The following MSLN variants were observed in gnomAD, a reference collection of about 807,000 sequenced individuals.
MSLN encodes the protein mesothelin, also known as CAK1 antigen.
MSLN carries 82 observed loss-of-function variants against 72.6 expected under a neutral mutation model. The ratio of observed to expected loss-of-function variants is 1.13; its 90% CI spans 0.94 to 1.36. The LOEUF is 1.36. Among genes scored for constraint, MSLN ranks in the 40% most tolerant of loss-of-function variants. The pLI, the probability that MSLN is intolerant of heterozygous loss-of-function variation, is 0.00. For missense variants in MSLN, 1,005 were observed against 847.9 expected, an observed-to-expected ratio of 1.19 and a Z score of -2.30; for synonymous variants, 456 against 387.3, an observed-to-expected ratio of 1.18 and a Z score of -2.08.
In MSLN at chr16:766,201, C is replaced by T. The variant is rs745386612; in HGVS notation, c.1038C>T (p.Tyr346=). ...MDRVNAIPFT[Y]EQLDVLKHKL... ...GCGTGAACGCCATCCCCTTCACCTA[C>T]GAGCAGCTGGACGTCCTAAAGCATA... Residue 346 remains tyrosine (Y), a synonymous_variant, in exon 12 of 18, where the codon TAC becomes TAT. Transcript: ENST00000545450. 7.4e-6 allele frequency: 12 copies of T among 1,611,932 alleles called. No individual in the cohort carries two copies. The highest frequency in any genetic ancestry group is 1.6e-4 in the Middle Eastern group (1 of 6,080).
At position 765,632 on chromosome 16, in the gene MSLN, C is replaced by T. The variant is rs2041596834; in HGVS notation, c.795+15C>T. The T allele has an allele frequency of 6.3e-7, 1 of 1,599,198 alleles. No homozygotes were observed. Among genetic ancestry groups the T allele is most frequent in the South Asian group, 1.1e-5 (1 of 90,908 alleles). ...GCATCCCGCAGGTGAGACCCCAATC[C>T]CCAGCCCGTGGGGATGCCCGGCCAC... On this transcript the variant is annotated intron_variant, in intron 10 of 17. Transcript: ENST00000545450.
At chr16:764,768 C>A (rs769229439) in intron 7 of MSLN, 42 bp downstream of exon 7, 1 of 1,583,746 alleles carries the variant, frequency 6.3e-7, no homozygotes, top group African/African-American at 1.3e-5. Context: ...GCTTTTGCCG[C>A]CAGCCCTCAG....
At chr16:761,731 C>T (rs2041539214) in intron 2 of MSLN, among the ~76,000 whole-genome samples, 1 of 152,214 alleles carries the variant, frequency 6.6e-6, no homozygotes, top group Non-Finnish European at 1.5e-5. Context: ...CACCCGGAGG[C>T]TGTGTGCCTC....
chr16:766,884 G>C lies in MSLN; in HGVS notation c.1374-1G>C, dbSNP rs571114126. ...TCACTGTCCACCCACCGTGTCCCCA[G>C]GGCGGTCAGGCCCCAGGACCTGGAC... On this transcript the variant is annotated splice_acceptor_variant, in intron 14 of 17. Coordinates refer to ENST00000545450, the MANE Select transcript of MSLN (RefSeq NM_005823.6). LOFTEE classifies it high-confidence loss of function. 5.6e-5 allele frequency: 90 copies of C among 1,612,500 alleles called. No individual in the cohort carries two copies. In the Admixed American group the frequency reaches 8.0e-4, roughly 14 times the overall value.
rs780605061 is a variant in MSLN at position 766,793 on chromosome 16, GC to G, written c.1362del (p.Ser455AlafsTer33). 13 of 1,612,366 alleles carry G rather than the reference GC, an allele frequency of 8.1e-6. No homozygotes were observed. In the Admixed American group the frequency reaches 1.2e-4, roughly 14 times the overall value. ...TCAGCCCCGAGGAGCTGAGCTCCGT[GC>G]CCCCCAGCAGCATCTGGTGAGTCCC... Reference protein sequence around the residue: ...SLSPEELSSVPPSSIWAVRPQ... With the variant: ...SLSPEELSSVXPSSIWAVRPQ... On this transcript the variant is annotated frameshift_variant, in exon 14 of 18. Transcript: ENST00000545450. LOFTEE classifies it high-confidence loss of function.
chr16:763,913 G>A lies in MSLN; in HGVS notation c.180-110G>A, dbSNP rs547186804. ...CCTGGTCTTGGGGGGAGGTCTGCAG[G>A]GAGCACCAGGGTCCTTTGGGGAGAG... is the stretch of plus-strand genomic sequence containing the variant. On this transcript the variant is annotated intron_variant, in intron 5 of 17. Coordinates refer to ENST00000545450, the MANE Select transcript of MSLN (RefSeq NM_005823.6). 2.7e-6 allele frequency: 4 copies of A among 1,471,006 alleles called. No homozygotes were observed. In the South Asian group the frequency reaches 3.8e-5, roughly 14 times the overall value. The allele number at this position is 1,471,006 out of a possible 1,614,324, so 91.1% of individuals were successfully genotyped here. A position where few individuals can be genotyped will look rare whatever the true frequency, so the allele number is the denominator to read the frequency against.
At chr16:764,208 G>T in intron 6 of MSLN, 65 bp downstream of exon 6, 1 of 1,560,220 alleles carries the variant, frequency 6.4e-7, no homozygotes, top group African/African-American at 1.3e-5. Context: ...AGGCAGCTCT[G>T]CAGTGCCCAC....
rs765084698 is a variant in MSLN at position 764,953 on chromosome 16, C to T, written c.427C>T (p.Arg143Cys). Reference sequence around the variant, plus strand: ...CCAGGCCTGCACCCGTTTCTTCTCCCGCATCACGAAGGCCAATGTGGACCT... The same window carrying T: ...CCAGGCCTGCACCCGTTTCTTCTCCTGCATCACGAAGGCCAATGTGGACCT... The part of the protein sequence containing the change: ...GPQACTRFFS[R>C]ITKANVDLLP... Residue 143 changes from arginine (R) to cysteine (C), a missense_variant, in exon 8 of 18, where the codon CGC becomes TGC. By Grantham distance (180) the Arg-to-Cys change is radical (BLOSUM62 -3). Transcript: ENST00000545450. The T allele has an allele frequency of 1.9e-5, 30 of 1,612,296 alleles. No homozygotes were observed. Among genetic ancestry groups the T allele is most frequent in the East Asian group, 4.5e-5 (2 of 44,888 alleles).
intron 2 of MSLN, chr16:762,390 C>T (rs764581506): frequency 1.1e-5 from 5 of 474,650 alleles, no homozygotes; most frequent in Non-Finnish European, 1.9e-5. Context: ...GCTCACACTG[C>T]CCTGCCCTTC....
At chr16:762,177 C>T (rs183114233) in intron 2 of MSLN, among the ~76,000 whole-genome samples, 77 of 152,314 alleles carry the variant, frequency 5.1e-4, no homozygotes, top group South Asian at 1.2e-3. Flanking sequence ...CCTCTGTGCC[C>T]GCAGTGCCCC....
rs139851878 is a variant in MSLN, at chr16:765,740, G to C, written c.845G>C (p.Arg282Pro). The C allele has an allele frequency of 1.2e-6, 2 of 1,600,736 alleles. No homozygotes were observed. Among genetic ancestry groups the C allele is most frequent in the Non-Finnish European group, 1.7e-6 (2 of 1,179,686 alleles). Residue 282 changes from arginine to proline, a missense_variant, in exon 11 of 18, where the codon CGG (arginine) becomes CCG (proline). Coordinates refer to ENST00000545450, the MANE Select transcript of MSLN (RefSeq NM_005823.6). ...CGCTCCTCTCGGGACCCATCCTGGCGGCAGCCTGAACGGACCATCCTCCGG... is the reference window on the plus strand; with the variant it reads ...CGCTCCTCTCGGGACCCATCCTGGCCGCAGCCTGAACGGACCATCCTCCGG... The part of the protein sequence containing the change: ...RQRSSRDPSW[R>P]QPERTILRPR...
At position 766,380 on chromosome 16, in the gene MSLN, T is replaced by C. The variant is rs1472673711; in HGVS notation, c.1120T>C (p.Tyr374His). 3 of 1,612,740 alleles carry C rather than the reference T, an allele frequency of 1.9e-6. No homozygotes were observed. The Admixed American group carries it at 5.0e-5, about 27-fold the overall frequency. The change falls in exon 13 of 18, where the codon TAC (tyrosine) becomes CAC (histidine). Residue 374 changes from tyrosine to histidine, a missense_variant. Transcript: ENST00000545450. ...YPESVIQHLG[Y>H]LFLKMSPEDI... ...CGAGTCTGTGATCCAGCACCTGGGC[T>C]ACCTCTTCCTCAAGATGAGCCCTGA...
In MSLN at chr16:765,282, A is replaced by G; in HGVS notation, c.683A>G (p.Gln228Arg). 6.3e-7 allele frequency: 1 copy of G among 1,580,514 alleles called. No individual in the cohort carries two copies. Among genetic ancestry groups the G allele is most frequent in the African/African-American group, 1.3e-5 (1 of 74,678 alleles). Reference protein sequence around the residue: ...DQQEAARAALQGGGPPYGPPS... With the variant: ...DQQEAARAALRGGGPPYGPPS... ...CAGGAGGCAGCCAGGGCGGCTCTGC[A>G]GGGCGGGGGACCCCCCTACGGGTAA... The change falls in exon 9 of 18, where the codon CAG (glutamine) becomes CGG (arginine). Residue 228 changes from glutamine (Q) to arginine (R), a missense_variant. Physicochemically the swap from Gln to Arg is conservative, Grantham distance 43. Transcript: ENST00000545450.
In MSLN at chr16:767,395, T is replaced by C. The variant is rs2041629885; in HGVS notation, c.1521T>C (p.Asp507=). 1 of 1,607,644 alleles carries C rather than the reference T, an allele frequency of 6.2e-7. No homozygotes were observed. Among genetic ancestry groups the C allele is most frequent in the Non-Finnish European group, 8.5e-7 (1 of 1,178,006 alleles). ...GGGCAGGTGGGGCCCCCACGGAGGA[T>C]TTGAAGGCGCTCAGTCAGCAGAATG... is the stretch of plus-strand genomic sequence containing the variant. ...QSFLGGAPTE[D]LKALSQQNVS... Residue 507 remains aspartate (D), a synonymous_variant, in exon 16 of 18, where the codon GAT becomes GAC. Transcript: ENST00000545450.
rs150425699 is a variant in MSLN at position 768,452 on chromosome 16, G to T, written c.1670G>T (p.Arg557Leu). 3.8e-5 allele frequency: 58 copies of T among 1,539,674 alleles called. No homozygotes were observed. Among genetic ancestry groups the T allele is most frequent in the Non-Finnish European group, 4.9e-5 (56 of 1,139,298 alleles). The stretch of plus-strand genomic sequence containing the variant: ...GGCCTGAAGGCGGAGGAGCGGCACC[G>T]CCCGGTGCGGGACTGGATCCTACGG... ...VEGLKAEERH[R>L]PVRDWILRQR... is the part of the protein sequence containing the mutation. The change falls in exon 17 of 18, where the codon CGC becomes CTC. Residue 557 changes from arginine (R) to leucine (L), a missense_variant. Arg to Leu is a moderately radical substitution (Grantham distance 102, BLOSUM62 -2). Coordinates refer to ENST00000545450, the MANE Select transcript of MSLN (RefSeq NM_005823.6).
At chr16:767,149 G>T in intron 15 of MSLN, 137 bp downstream of exon 15, 1 of 1,424,560 alleles carries the variant, frequency 7.0e-7, no homozygotes, top group Non-Finnish European at 9.6e-7. Context: ...TCTGCCCCCC[G>T]GGGTGTGTAT....
At chr16:762,447 G>A (rs1273827638) in intron 2 of MSLN, 1 of 546,418 alleles carries the variant, frequency 1.8e-6, no homozygotes. Flanking sequence ...TCTGGGCTGG[G>A]GACCGGGATC....
chr16:762,059 C>T (rs1171254495), intron 2 of MSLN, among the ~76,000 whole-genome samples: 1 of 152,244 alleles, frequency 6.6e-6, no homozygotes, highest in African/African-American at 2.4e-5. Flanking sequence ...AAGGGGCTCC[C>T]CAGGCTGCTC....
chr16:761,729 G>A (rs977719129), intron 2 of MSLN, among the ~76,000 whole-genome samples: 1 of 152,202 alleles, frequency 6.6e-6, no homozygotes, highest in Non-Finnish European at 1.5e-5. Context: ...GTCACCCGGA[G>A]GCTGTGTGCC....
Sources: gnomAD v4.1 joint callset for allele counts (sites outside exome capture counted in the v4.1 genomes callset) on GRCh38, gnomAD v4.1.1 for gene constraint, MANE v1.5 for transcripts, NCBI Gene and HGNC (gene_info 2026-07-23, HGNC 2026-07-21) for gene names.